The following SPAG16 variants were observed in gnomAD, a reference collection of about 807,000 sequenced individuals.
SPAG16 encodes sperm-associated antigen 16 protein.
SPAG16 carries 86 observed loss-of-function variants against 80.4 expected under a neutral mutation model. That is an observed-to-expected ratio of 1.07 (90% CI 0.90 to 1.28). The LOEUF (loss-of-function observed/expected upper bound fraction) is 1.28, where lower values mean the gene tolerates loss of function less well. Ranked by LOEUF, SPAG16 falls within the 50% of genes most tolerant of loss-of-function variation. The pLI is 0.00. For missense variants in SPAG16, 870 were observed against 765.3 expected (o/e 1.14, Z -1.61); for synonymous variants, 294 against 265.9 (o/e 1.11, Z -1.03).
At chr2:213,508,960 CTG>C (rs1020752862) in intron 10 of SPAG16, among the ~76,000 whole-genome samples, 1 of 150,784 alleles carries the variant, frequency 6.6e-6, no homozygotes. Context: ...CTTTTACTGA[CTG>C]TGTTGTTATT....
chr2:213,400,781 T>C (rs1330977369), intron 9 of SPAG16, among the ~76,000 whole-genome samples: 1 of 152,022 alleles, frequency 6.6e-6, no homozygotes, highest in Non-Finnish European at 1.5e-5. Flanking sequence ...AAGAAAGGAT[T>C]CTACTTCCCT....
At chr2:213,855,109 A>T (rs2075089022) in intron 10 of SPAG16, among the ~76,000 whole-genome samples, 1 of 152,122 alleles carries the variant, frequency 6.6e-6, no homozygotes, top group Admixed American at 6.5e-5. Flanking sequence ...TCCCACCACC[A>T]CCCTGAATCT....
intron 13 of SPAG16, among the ~76,000 whole-genome samples, chr2:214,039,227 T>C (rs1205066154): frequency 6.6e-6 from 1 of 152,212 alleles, no homozygotes; most frequent in Non-Finnish European, 1.5e-5. Flanking sequence ...TTTTTAATGA[T>C]CGCCATTCTA....
intron 12 of SPAG16, among the ~76,000 whole-genome samples, chr2:213,971,060 G>A (rs901916207): frequency 3.3e-5 from 5 of 152,170 alleles, no homozygotes; most frequent in Non-Finnish European, 7.4e-5. Context: ...CAATTTAAAT[G>A]TAATCAACCA....
At chr2:213,316,534 T>A (rs1170562643) in intron 4 of SPAG16, among the ~76,000 whole-genome samples, 1 of 152,058 alleles carries the variant, frequency 6.6e-6, no homozygotes. Flanking sequence ...GTAAAATTGC[T>A]TTCCTCACTG....
At chr2:214,239,868 G>T (rs1180459405) in intron 15 of SPAG16, 1 of 152,060 alleles carries the variant, frequency 6.6e-6, no homozygotes, top group Non-Finnish European at 1.5e-5. Flanking sequence ...GCACGCTTCT[G>T]CTTTACTGTG....
chr2:213,898,584 A>G (rs913564323), intron 11 of SPAG16, among the ~76,000 whole-genome samples: 1 of 152,200 alleles, frequency 6.6e-6, no homozygotes, highest in African/African-American at 2.4e-5. Flanking sequence ...ACAAAGTTTT[A>G]ATGATTATAA....
intron 15 of SPAG16, among the ~76,000 whole-genome samples, chr2:214,208,883 G>T (rs1055824227): frequency 6.6e-6 from 1 of 152,138 alleles, no homozygotes; most frequent in African/African-American, 2.4e-5. Context: ...TGGTGGGGAA[G>T]AAATAAATAA....
intron 9 of SPAG16, among the ~76,000 whole-genome samples, chr2:213,407,113 CACAA>C (rs2068652856): frequency 6.6e-6 from 1 of 152,026 alleles, no homozygotes; most frequent in Non-Finnish European, 1.5e-5. Flanking sequence ...CGTGAATGAT[CACAA>C]ACAACCCTGC....
At chr2:214,218,587 T>C (rs929633839) in intron 15 of SPAG16, among the ~76,000 whole-genome samples, 2 of 152,216 alleles carry the variant, frequency 1.3e-5, no homozygotes, top group Non-Finnish European at 2.9e-5. Context: ...GGATAAGAGA[T>C]ACTTGTACAA....
chr2:213,336,600 G>A (rs1227147216), intron 5 of SPAG16, among the ~76,000 whole-genome samples: 8 of 152,180 alleles, frequency 5.3e-5, no homozygotes, highest in South Asian at 2.1e-4. Flanking sequence ...TCCCCACAGC[G>A]CAGCACAGCA....
At chr2:213,292,793 T>C (rs892943960) in intron 1 of SPAG16, among the ~76,000 whole-genome samples, 23 of 151,846 alleles carry the variant, frequency 1.5e-4, no homozygotes, top group Non-Finnish European at 2.8e-4. Flanking sequence ...GCATGAGAAA[T>C]TTAAAAGATT....
chr2:213,998,624 T>G (rs1363695123), intron 12 of SPAG16, among the ~76,000 whole-genome samples: 2 of 152,184 alleles, frequency 1.3e-5, no homozygotes, highest in Non-Finnish European at 2.9e-5. Context: ...CCTGAAAATG[T>G]GGCAGCAACT....
chr2:213,920,469 T>A (rs115975361), intron 11 of SPAG16, among the ~76,000 whole-genome samples: 1,550 of 152,202 alleles, frequency 0.01, 33 homozygotes, highest in African/African-American at 0.034. Context: ...GTTGGCAATG[T>A]GATATATGTG....
chr2:213,615,951 T>C (rs982233244), intron 10 of SPAG16, among the ~76,000 whole-genome samples: 3 of 152,084 alleles, frequency 2.0e-5, no homozygotes, highest in Non-Finnish European at 4.4e-5. Flanking sequence ...ATGCGAGGCT[T>C]AAAACATAGA....
At chr2:213,692,824 AAG>A (rs1301663561) in intron 10 of SPAG16, among the ~76,000 whole-genome samples, 1 of 151,244 alleles carries the variant, frequency 6.6e-6, no homozygotes. Flanking sequence ...AAAAAAAAAA[AAG>A]AAAAAAAAAG....
intron 15 of SPAG16, among the ~76,000 whole-genome samples, chr2:214,352,544 T>G (rs1450078336): frequency 2.1e-4 from 4 of 19,242 alleles, no homozygotes; most frequent in African/African-American, 1.3e-3. Flanking sequence ...CTTTTTGTCC[T>G]TGACTTTTTT....
At chr2:213,396,297 G>A (rs1003336556) in intron 9 of SPAG16, among the ~76,000 whole-genome samples, 4 of 151,806 alleles carry the variant, frequency 2.6e-5, no homozygotes, top group African/African-American at 4.8e-5. Context: ...GCATCTTTTC[G>A]ATATTGAATC....
chr2:213,469,562 C>T (rs1414100960), intron 9 of SPAG16, among the ~76,000 whole-genome samples: 1 of 147,550 alleles, frequency 6.8e-6, no homozygotes, highest in African/African-American at 2.5e-5. Context: ...CAGCAAGCAC[C>T]TCAGCAGGTT....
Sources: allele counts gnomAD v4.1 joint callset (sites outside exome capture counted in the v4.1 genomes callset), GRCh38; gene constraint gnomAD v4.1.1; transcripts MANE v1.5; gene names NCBI Gene and HGNC (gene_info 2026-07-23, HGNC 2026-07-21).